CYP2A13: variants seen among roughly 807,000 people sequenced by gnomAD.
The protein encoded by CYP2A13 is cytochrome P450 family 2 subfamily A member 13, also known as cytochrome P450 2A13.
Under a neutral mutation model 39.4 loss-of-function variants are expected in CYP2A13, and 30 were observed. That is an observed-to-expected ratio of 0.76 (90% CI 0.57 to 1.03). The LOEUF (loss-of-function observed/expected upper bound fraction) is 1.03, where lower values mean the gene tolerates loss of function less well. Ranked by LOEUF, CYP2A13 falls within the 50% of genes least tolerant of loss-of-function variation. The probability of loss-of-function intolerance (pLI) is 0.00; values close to 1 mark genes in which losing one functional copy is unlikely to be tolerated. For synonymous variants in CYP2A13, 269 were observed against 254.7 expected (o/e 1.06, Z -0.54); for missense variants, 731 against 648.4 (o/e 1.13, Z -1.38).
chr19:41,093,546 G>A, intron 5 of CYP2A13, 84 bp from the exon 6 acceptor site: 2 of 1,550,730 alleles, frequency 1.3e-6, no homozygotes, highest in Non-Finnish European at 1.8e-6. Flanking sequence ...CTGGACCAAA[G>A]AGAGGTAGCT....
chr19:41,091,770 A>C lies in CYP2A13; in HGVS notation c.693A>C (p.Pro231=). ...EMFSSVMKHL[P]GPQQQAFKEL... ...TCTCTTCGGTGATGAAACACCTGCCAGGACCACAGCAACAGGCCTTTAAGG... is the reference window on the plus strand; with the variant it reads ...TCTCTTCGGTGATGAAACACCTGCCCGGACCACAGCAACAGGCCTTTAAGG... Residue 231 remains proline, a synonymous_variant, in exon 5 of 9, where the codon CCA becomes CCC. Coordinates refer to ENST00000330436, the MANE Select transcript of CYP2A13 (RefSeq NM_000766.5). 6.2e-7 allele frequency: 1 copy of C among 1,614,042 alleles called. No homozygotes were observed. The highest frequency in any genetic ancestry group is 8.5e-7 in the Non-Finnish European group (1 of 1,179,912).
intron 1 of CYP2A13, 59 bp downstream of exon 1, chr19:41,088,710 T>C: frequency 6.3e-7 from 1 of 1,580,396 alleles, no homozygotes; most frequent in South Asian, 1.2e-5. Context: ...TGGCTGGGGC[T>C]TTGTGGCAGG....
At position 41,088,544 on chromosome 19, in the gene CYP2A13, C is replaced by A. The variant is rs146048739; in HGVS notation, c.73C>A (p.Arg25=). ...TGTGATGGTCTTGATGTCAGTCTGG[C>A]GGCAGAGGAAGAGCAGGGGGAAGCT... ...LTVMVLMSVW[R]QRKSRGKLPP... The change falls in exon 1 of 9, where the codon CGG becomes AGG. Residue 25 remains arginine, a synonymous_variant. Transcript: ENST00000330436. 3 of 1,613,856 alleles carry A rather than the reference C, an allele frequency of 1.9e-6. No homozygotes were observed. Among genetic ancestry groups the A allele is most frequent in the East Asian group, 4.5e-5 (2 of 44,900 alleles).
rs931449790 is a variant in CYP2A13, at chr19:41,094,544, A to G, written c.1161+112A>G. The G allele has an allele frequency of 2.9e-5, 37 of 1,289,582 alleles. 1 individual carries two copies. Among genetic ancestry groups the G allele is most frequent in the East Asian group, 2.4e-5 (1 of 42,058 alleles). 79.9% of individuals were successfully genotyped at this position (1,289,582 alleles called of 1,614,324 possible). A position where few individuals can be genotyped will look rare whatever the true frequency, so the allele number is the denominator to read the frequency against. Reference sequence around the variant, plus strand: ...TTCTAGACTCTGTCCCACTCCCTCAATCAGTCAAAAAAGACTTCCCCAACC... The same window carrying G: ...TTCTAGACTCTGTCCCACTCCCTCAGTCAGTCAAAAAAGACTTCCCCAACC... On this transcript the variant is annotated intron_variant, in intron 7 of 8. Transcript: ENST00000330436.
In CYP2A13 at chr19:41,090,687, G is replaced by A. The variant is rs1462390470; in HGVS notation, c.654+123G>A. The A allele has an allele frequency of 4.8e-6, 7 of 1,460,286 alleles. No individual in the cohort carries two copies. In the Admixed American group the frequency reaches 7.4e-5, roughly 15 times the overall value. The allele number at this position is 1,460,286 out of a possible 1,614,324, so 90.5% of individuals were successfully genotyped here. On this transcript the variant is annotated intron_variant, in intron 4 of 8. Coordinates refer to ENST00000330436, the MANE Select transcript of CYP2A13 (RefSeq NM_000766.5). ...CAGTGTCCCCTCAAAATCAGTCCCCGATATTGGACAACTGGACGGTTGCAC... is the reference window on the plus strand; with the variant it reads ...CAGTGTCCCCTCAAAATCAGTCCCCAATATTGGACAACTGGACGGTTGCAC...
In CYP2A13 at chr19:41,094,427, C is replaced by A. The variant is rs1599656152; in HGVS notation, c.1156C>A (p.Pro386Thr). The A allele has an allele frequency of 1.2e-6, 2 of 1,614,054 alleles. No individual in the cohort carries two copies. The highest frequency in any genetic ancestry group is 2.7e-5 in the African/African-American group (2 of 74,990). The change falls in exon 7 of 9, where the codon CCT becomes ACT. Residue 386 changes from proline (P) to threonine (T), a missense_variant. Physicochemically the swap from Pro to Thr is conservative, Grantham distance 38. Transcript: ENST00000330436. ...KDTKFRDFFL[P>T]KGTEVFPMLG... is the part of the protein sequence containing the mutation. ...CACCAAGTTTCGGGATTTCTTCCTC[C>A]CTAAGGTGCTGTCTCCCCTCCACCA...
chr19:41,094,185 G>C (rs1376707586), intron 6 of CYP2A13, 60 bp from the exon 7 acceptor site: 1 of 1,590,802 alleles, frequency 6.3e-7, no homozygotes, highest in Non-Finnish European at 8.6e-7. Flanking sequence ...TTACCTATTC[G>C]GACTATCATC....
At chr19:41,089,825 TC>T (rs1483682945) in intron 2 of CYP2A13, among the ~76,000 whole-genome samples, 1 of 87,548 alleles carries the variant, frequency 1.1e-5, no homozygotes, top group Non-Finnish European at 2.2e-5. Flanking sequence ...TCTCTCTCTC[TC>T]TCTCTCTCTC....
chr19:41,094,873 C>T (rs768160623), intron 7 of CYP2A13, 86 bp from the exon 8 acceptor site: 313 of 1,499,348 alleles, frequency 2.1e-4, no homozygotes, highest in Non-Finnish European at 2.7e-4. Flanking sequence ...TCACCTGGGG[C>T]ACCCTAGTTC....
rs778665701 is a variant in CYP2A13 at position 41,090,191 on chromosome 19, C to CTG, written c.488_489insTG (p.His164GlyfsTer12). On this transcript the variant is annotated frameshift_variant, in exon 3 of 9. Coordinates refer to ENST00000330436, the MANE Select transcript of CYP2A13 (RefSeq NM_000766.5). LOFTEE classifies it high-confidence loss of function. ...TTCCTCATCGACGCCCTCCGGGGCA[C>CTG]GCACGGTGAGTAGGGGACCCCGAGT... is the stretch of plus-strand genomic sequence containing the variant. The CTG allele has an allele frequency of 1.3e-5, 20 of 1,577,920 alleles. No individual in the cohort carries two copies. The highest frequency in any genetic ancestry group is 5.4e-5 in the African/African-American group (4 of 74,420).
In CYP2A13 at chr19:41,090,582, G is replaced by A. The variant is rs1326144359; in HGVS notation, c.654+18G>A. 3 of 1,613,896 alleles carry A rather than the reference G, an allele frequency of 1.9e-6. No individual in the cohort carries two copies. The highest frequency in any genetic ancestry group is 1.7e-5 in the Admixed American group (1 of 60,014). ...CGGGGCAGGTAACTGGCTGCAGCCC[G>A]CCAGTGACGCCCCTACCACAACCTG... On this transcript the variant is annotated intron_variant, in intron 4 of 8. Transcript: ENST00000330436.
At chr19:41,095,616 G>A (rs2031286688) in intron 8 of CYP2A13, 144 bp from the exon 9 acceptor site, 1 of 1,069,944 alleles carries the variant, frequency 9.3e-7, no homozygotes, top group Non-Finnish European at 1.3e-6. Context: ...CTGAAGCTCA[G>A]GGAGGATCGG....
In CYP2A13 at chr19:41,094,353, G is replaced by A. The variant is rs1180011369; in HGVS notation, c.1082G>A (p.Arg361Lys). The change falls in exon 7 of 9, where the codon AGA becomes AAA. Residue 361 changes from arginine to lysine, a missense_variant. Transcript: ENST00000330436. ...YTEAVIHEIQ[R>K]FGDMLPMGLA... ...GAGGCAGTGATCCACGAGATCCAAA[G>A]ATTTGGAGACATGCTCCCCATGGGT... The A allele has an allele frequency of 1.2e-6, 2 of 1,614,124 alleles. No homozygotes were observed. The highest frequency in any genetic ancestry group is 1.7e-6 in the Non-Finnish European group (2 of 1,180,012).
chr19:41,096,000 G>A lies in CYP2A13; in HGVS notation c.*59G>A. On this transcript the variant is annotated 3_prime_UTR_variant, in exon 9 of 9. Transcript: ENST00000330436. ...GGGCCAGGGAAACGGCCGGGGCAGG[G>A]GCGGGGCTTGTGGGAGGGGCGGGGC... The A allele has an allele frequency of 6.4e-7, 1 of 1,566,606 alleles. No homozygotes were observed. The highest frequency in any genetic ancestry group is 8.7e-7 in the Non-Finnish European group (1 of 1,149,174).
At position 41,090,558 on chromosome 19, in the gene CYP2A13, G is replaced by C; in HGVS notation, c.648G>C (p.Thr216=). 1.2e-6 allele frequency: 2 copies of C among 1,614,028 alleles called. No homozygotes were observed. Among genetic ancestry groups the C allele is most frequent in the South Asian group, 1.1e-5 (1 of 91,074 alleles). The change falls in exon 4 of 9, where the codon ACG becomes ACC. Residue 216 remains threonine (T), a synonymous_variant. Transcript: ENST00000330436. ...GCTTCCAGTTCACGGCAACCTCCAC[G>C]GGGCAGGTAACTGGCTGCAGCCCGC... ...LGSFQFTATS[T]GQLYEMFSSV...
chr19:41,088,642 C>T lies in CYP2A13; in HGVS notation c.171C>T (p.Ser57=). Residue 57 remains serine, a synonymous_variant, in exon 1 of 9, where the codon TCC becomes TCT. Coordinates refer to ENST00000330436, the MANE Select transcript of CYP2A13 (RefSeq NM_000766.5). Reference sequence around the variant, plus strand: ...TGAACACAGAGCAGATGTACAACTCCCTCATGAAGGTGTCCTAAGGCAGGG... The same window carrying T: ...TGAACACAGAGCAGATGTACAACTCTCTCATGAAGGTGTCCTAAGGCAGGG... ...LQLNTEQMYN[S]LMKISERYGP... The T allele has an allele frequency of 1.2e-6, 2 of 1,613,616 alleles. No individual in the cohort carries two copies. Among genetic ancestry groups the T allele is most frequent in the Non-Finnish European group, 8.5e-7 (1 of 1,179,672 alleles).
chr19:41,091,936 G>C, intron 5 of CYP2A13, 28 bp downstream of exon 5: 2 of 1,611,430 alleles, frequency 1.2e-6, no homozygotes, highest in Non-Finnish European at 1.7e-6. Context: ...GTGCAGGCAG[G>C]TGCAAAGCCA....
chr19:41,092,075 G>T (rs1376766957), intron 5 of CYP2A13, among the ~76,000 whole-genome samples, 167 bp downstream of exon 5: 4 of 151,896 alleles, frequency 2.6e-5, no homozygotes, highest in Non-Finnish European at 5.9e-5. Flanking sequence ...CAGCACTTTG[G>T]GAGGCCGAGG....
At chr19:41,090,934 G>A (rs555238115) in intron 4 of CYP2A13, among the ~76,000 whole-genome samples, 13 of 152,234 alleles carry the variant, frequency 8.5e-5, no homozygotes, top group East Asian at 1.9e-4. Context: ...GCGTCAACCC[G>A]CCTCCTGCAT....
Sources: allele counts gnomAD v4.1 joint callset (sites outside exome capture counted in the v4.1 genomes callset), GRCh38; gene constraint gnomAD v4.1.1; transcripts MANE v1.5; gene names NCBI Gene and HGNC (gene_info 2026-07-23, HGNC 2026-07-21).